OPRM1: variants seen among roughly 807,000 people sequenced by gnomAD.
OPRM1 encodes opioid receptor mu 1.
OPRM1 carries 27 observed loss-of-function variants against 31.8 expected under a neutral mutation model. The ratio of observed to expected loss-of-function variants is 0.85; its 90% CI spans 0.63 to 1.17. The LOEUF (loss-of-function observed/expected upper bound fraction) is 1.17, where lower values mean the gene tolerates loss of function less well. OPRM1 is among the 50% of genes most tolerant of loss of function. OPRM1 has a pLI of 0.00. For synonymous variants in OPRM1, 196 were observed against 189.9 expected (o/e 1.03, Z -0.26); for missense variants, 536 against 511.1 (o/e 1.05, Z -0.47).
chr6:154,209,070 T>C (rs2128602230), intron 3 of OPRM1, among the ~76,000 whole-genome samples: 1 of 152,330 alleles, frequency 6.6e-6, no homozygotes, highest in East Asian at 1.9e-4. Context: ...ATTCAGCCCA[T>C]TAGAAGCAGA....
rs541996891 is a variant in OPRM1 at position 154,131,957 on chromosome 6, T to C, written c.*13236T>C. On this transcript the variant is annotated 3_prime_UTR_variant, in exon 4 of 4. Transcript: ENST00000330432. ...TAAGTTTTTGGTTTTTTTTTTTTTT[T>C]CTCTTCATTAGTGTGTTAGTTCCAT... 0.036 allele frequency among the ~76,000 whole-genome samples: 4,970 copies of C among 137,400 alleles called. 132 individuals carry two copies. The highest frequency in any genetic ancestry group is 0.058 in the Middle Eastern group (14 of 242). The allele number at this position is 137,400 out of a possible 152,430, so 90.1% of individuals were successfully genotyped here. A position where few individuals can be genotyped will look rare whatever the true frequency, so the allele number is the denominator to read the frequency against.
chr6:154,057,617 A>G (rs867611366), intron 1 of OPRM1, among the ~76,000 whole-genome samples: 3 of 152,228 alleles, frequency 2.0e-5, no homozygotes, highest in African/African-American at 7.2e-5. Context: ...CATTTTCATA[A>G]AAGAATGAAA....
chr6:154,181,486 A>G (rs1800863167), intron 3 of OPRM1, among the ~76,000 whole-genome samples: 1 of 152,264 alleles, frequency 6.6e-6, no homozygotes, highest in Non-Finnish European at 1.5e-5. Context: ...TTAAATTTAC[A>G]TAGCTATACT....
intron 3 of OPRM1, among the ~76,000 whole-genome samples, chr6:154,244,980 C>T (rs1780910873): frequency 1.3e-5 from 2 of 152,166 alleles, no homozygotes; most frequent in Non-Finnish European, 2.9e-5. Context: ...CTTGCCACAA[C>T]TACCCCAAAA....
At chr6:154,115,262 C>T (rs972304880) in intron 3 of OPRM1, among the ~76,000 whole-genome samples, 19 of 152,080 alleles carry the variant, frequency 1.2e-4, no homozygotes, top group South Asian at 2.1e-4. Flanking sequence ...AGACATAAGG[C>T]GGCGCAGTGG....
Position 154,090,041 on chromosome 6 carries a change from T to C in OPRM1, c.506T>C (p.Ile169Thr). ...TGCACCATGAGTGTTGATCGATACA[T>C]TGCAGTCTGCCACCCTGTCAAGGCC... Reference protein sequence around the residue: ...TLCTMSVDRYIAVCHPVKALD... With the variant: ...TLCTMSVDRYTAVCHPVKALD... The change falls in exon 2 of 4, where the codon ATT becomes ACT. Residue 169 changes from isoleucine to threonine, a missense_variant. Ile to Thr is a moderately conservative substitution (Grantham distance 89). Transcript: ENST00000330432. 1.9e-6 allele frequency: 3 copies of C among 1,614,054 alleles called. No homozygotes were observed. The highest frequency in any genetic ancestry group is 1.6e-4 in the Middle Eastern group (1 of 6,062).
In OPRM1 at chr6:154,046,498, A is replaced by G. The variant is rs772958641; in HGVS notation, c.290+6664A>G. Among the ~76,000 whole-genome samples the G allele has an allele frequency of 7.0e-4, 106 of 152,242 alleles. 1 individual carries two copies. Among genetic ancestry groups the G allele is most frequent in the Admixed American group, 2.0e-4 (3 of 15,282 alleles). Reference sequence around the variant, plus strand: ...CTCCCTTTTCCATTAATTTCATGTTATATAGTAACGTTAAGAGTATCTTGT... The same window carrying G: ...CTCCCTTTTCCATTAATTTCATGTTGTATAGTAACGTTAAGAGTATCTTGT... On this transcript the variant is annotated intron_variant, in intron 1 of 3. Transcript: ENST00000330432.
At chr6:154,086,339 G>C (rs1011282553) in intron 1 of OPRM1, among the ~76,000 whole-genome samples, 1 of 152,146 alleles carries the variant, frequency 6.6e-6, no homozygotes, top group Non-Finnish European at 1.5e-5. Flanking sequence ...TTTAGAGGAA[G>C]ACTTTTTAAA....
At chr6:154,049,250 A>C (rs557739294) in intron 1 of OPRM1, among the ~76,000 whole-genome samples, 1 of 152,318 alleles carries the variant, frequency 6.6e-6, no homozygotes, top group African/African-American at 2.4e-5. Flanking sequence ...ACTATGTTTG[A>C]GACCATTTTA....
intron 3 of OPRM1, 42 bp downstream of exon 3, chr6:154,091,514 A>C: frequency 6.4e-7 from 1 of 1,558,914 alleles, no homozygotes; most frequent in East Asian, 2.2e-5. Flanking sequence ...TGGGGATGAC[A>C]TAAAAATTAT....
At chr6:154,116,686 G>T (rs530310340) in intron 3 of OPRM1, among the ~76,000 whole-genome samples, 2 of 152,188 alleles carry the variant, frequency 1.3e-5, no homozygotes, top group East Asian at 3.9e-4. Flanking sequence ...CCTTATTGTG[G>T]GACATGATTC....
chr6:154,173,205 A>G (rs1800018994), intron 3 of OPRM1, among the ~76,000 whole-genome samples: 1 of 152,182 alleles, frequency 6.6e-6, no homozygotes, highest in Non-Finnish European at 1.5e-5. Flanking sequence ...AACCTCAAAA[A>G]TGGGGAGAAA....
chr6:154,184,133 G>A (rs1801135301), intron 3 of OPRM1, among the ~76,000 whole-genome samples: 1 of 151,286 alleles, frequency 6.6e-6, no homozygotes, highest in African/African-American at 2.4e-5. Context: ...CTCAACATTT[G>A]AAGAATTGCT....
intron 1 of OPRM1, chr6:154,086,655 T>G (rs776133638): frequency 3.0e-6 from 3 of 984,864 alleles, no homozygotes; most frequent in Non-Finnish European, 3.6e-6. Context: ...TACTTAGTGC[T>G]AAAATAAGCC....
chr6:154,242,028 T>C (rs1260942388), intron 3 of OPRM1, among the ~76,000 whole-genome samples: 1 of 152,240 alleles, frequency 6.6e-6, no homozygotes, highest in Non-Finnish European at 1.5e-5. Flanking sequence ...TTAAATTCCC[T>C]GAGCTTCAGT....
chr6:154,203,652 C>A (rs1355777041), intron 3 of OPRM1, among the ~76,000 whole-genome samples: 4 of 152,116 alleles, frequency 2.6e-5, no homozygotes, highest in Admixed American at 1.3e-4. Flanking sequence ...TGGAACTAAA[C>A]CCCCACAGAT....
intron 3 of OPRM1, among the ~76,000 whole-genome samples, chr6:154,161,371 T>C (rs1316406860): frequency 6.6e-6 from 1 of 152,000 alleles, no homozygotes; most frequent in East Asian, 1.9e-4. Flanking sequence ...CCACCATGCC[T>C]GGCTAATTTT....
At chr6:154,194,754 G>A (rs548909692) in intron 3 of OPRM1, among the ~76,000 whole-genome samples, 1 of 152,096 alleles carries the variant, frequency 6.6e-6, no homozygotes, top group African/African-American at 2.4e-5. Flanking sequence ...AAATCTGCAG[G>A]TAACCTAATC....
chr6:154,069,787 A>G (rs1786258720), intron 1 of OPRM1, among the ~76,000 whole-genome samples: 1 of 152,066 alleles, frequency 6.6e-6, no homozygotes, highest in African/African-American at 2.4e-5. Flanking sequence ...TTTACTTAGC[A>G]CCTTTGTTGA....
Sources: allele counts gnomAD v4.1 joint callset (sites outside exome capture counted in the v4.1 genomes callset), GRCh38; gene constraint gnomAD v4.1.1; transcripts MANE v1.5; gene names NCBI Gene and HGNC (gene_info 2026-07-23, HGNC 2026-07-21).